Variants in WDR19 observed in about 807,000 individuals in gnomAD.
WDR19 encodes WD repeat domain 19, also known as WD repeat-containing protein 19.
In WDR19, 121 loss-of-function variants were observed where a neutral mutation model predicts 180.0. That is an observed-to-expected ratio of 0.67 (90% CI 0.58 to 0.78). WDR19 has a LOEUF of 0.78. Among genes scored for constraint, WDR19 ranks in the 30% least tolerant of loss-of-function variants. The pLI is 0.00. For missense variants in WDR19, 1,450 were observed against 1,640.7 expected, an observed-to-expected ratio of 0.88 and a Z score of 2.01; for synonymous variants, 497 against 540.7, an observed-to-expected ratio of 0.92 and a Z score of 1.12.
chr4:39,217,114 G>GT lies in WDR19; in HGVS notation c.1250-15dup, dbSNP rs760621524. On this transcript the variant is annotated intron_variant, in intron 12 of 36. Coordinates refer to ENST00000399820, the MANE Select transcript of WDR19 (RefSeq NM_025132.4). ...GTTTTACCAACATTTTAATGTGTTG[G>GT]TTTTTAAAAATTGCTACAGCTGTGA... 1 of 1,556,212 alleles carries GT rather than the reference G, an allele frequency of 6.4e-7. No homozygotes were observed. Among genetic ancestry groups the GT allele is most frequent in the African/African-American group, 1.4e-5 (1 of 73,946 alleles).
Position 39,280,119 on chromosome 4 carries a change from G to GTTTTTT in WDR19, c.*13+1473_*13+1478dup, listed in dbSNP as rs551041321. Among the ~76,000 whole-genome samples, 124 of 53,962 alleles carry GTTTTTT rather than the reference G, an allele frequency of 2.3e-3. 4 individuals are homozygous for GTTTTTT. Among genetic ancestry groups the GTTTTTT allele is most frequent in the African/African-American group, 7.4e-3 (119 of 16,028 alleles). 35.4% of individuals were successfully genotyped at this position (53,962 alleles called of 152,430 possible). On this transcript the variant is annotated intron_variant, in intron 36 of 36. Transcript: ENST00000399820. ...TTTGTGGGTTTTTTTCCCTTTTCTT[G>GTTTTTT]TTTTTTTTTTTTTTTTTTTTTTAAT...
At position 39,186,572 on chromosome 4, in the gene WDR19, T is replaced by A. The variant is rs1725579903; in HGVS notation, c.132T>A (p.His44Gln). The change falls in exon 3 of 37, where the codon CAT (histidine) becomes CAA (glutamine). Residue 44 changes from histidine to glutamine, a missense_variant. Coordinates refer to ENST00000399820, the MANE Select transcript of WDR19 (RefSeq NM_025132.4). Reference protein sequence around the residue: ...ADYIVKIFDRHGQKRSEINLP... With the variant: ...ADYIVKIFDRQGQKRSEINLP... ...ATATTGTGAAAATCTTTGATCGCCA[T>A]GGTCAAAAAAGAAGTGAAATTAACT... The A allele has an allele frequency of 6.3e-7, 1 of 1,584,772 alleles. No homozygotes were observed. Among genetic ancestry groups the A allele is most frequent in the South Asian group, 1.2e-5 (1 of 84,246 alleles).
rs544031412 is a variant in WDR19 at position 39,215,499 on chromosome 4, G to A, written c.962-342G>A. Reference sequence around the variant, plus strand: ...TAGGAGCAATAGGCTATACCATATAGCCTAGGTACGTAGTAGGCTATTTGA... The same window carrying A: ...TAGGAGCAATAGGCTATACCATATAACCTAGGTACGTAGTAGGCTATTTGA... On this transcript the variant is annotated intron_variant, in intron 10 of 36. Coordinates refer to ENST00000399820, the MANE Select transcript of WDR19 (RefSeq NM_025132.4). 2.6e-5 allele frequency among the ~76,000 whole-genome samples: 4 copies of A among 152,164 alleles called. No individual in the cohort carries two copies. In the East Asian group the frequency reaches 7.7e-4, roughly 29 times the overall value.
intron 36 of WDR19, among the ~76,000 whole-genome samples, chr4:39,279,405 C>G (rs1222920816): frequency 1.3e-5 from 2 of 152,224 alleles, no homozygotes; most frequent in Non-Finnish European, 2.9e-5. Flanking sequence ...CCTCAGCCCC[C>G]ATGAGCAAGG....
chr4:39,209,056 T>G (rs1728237036), intron 9 of WDR19, among the ~76,000 whole-genome samples: 1 of 151,966 alleles, frequency 6.6e-6, no homozygotes, highest in Non-Finnish European at 1.5e-5. Flanking sequence ...GCAACAAAAT[T>G]CACATTTTTT....
At chr4:39,229,517 T>C (rs190012523) in intron 17 of WDR19, among the ~76,000 whole-genome samples, 3 of 152,338 alleles carry the variant, frequency 2.0e-5, no homozygotes, top group Admixed American at 6.5e-5. Context: ...GACTTCATCA[T>C]AGTGAGGTTT....
Position 39,205,576 on chromosome 4 carries a change from C to T in WDR19, c.730C>T (p.Arg244Cys), listed in dbSNP as rs759803480. 2.5e-5 allele frequency: 41 copies of T among 1,612,788 alleles called. No individual in the cohort carries two copies. Among genetic ancestry groups the T allele is most frequent in the East Asian group, 6.7e-5 (3 of 44,852 alleles). ...IVCYNWYGDGRIMIGFSCGHF... is the reference protein window; with the variant it reads ...IVCYNWYGDGCIMIGFSCGHF... The stretch of plus-strand genomic sequence containing the variant: ...TCTTTGCTATAGGTATGGTGATGGC[C>T]GCATCATGATTGGTTTTTCATGTGG... Residue 244 changes from arginine (R) to cysteine (C), a missense_variant, in exon 9 of 37, where the codon CGC becomes TGC. Coordinates refer to ENST00000399820, the MANE Select transcript of WDR19 (RefSeq NM_025132.4).
At chr4:39,191,036 A>T (rs1024688672) in intron 4 of WDR19, among the ~76,000 whole-genome samples, 3 of 152,214 alleles carry the variant, frequency 2.0e-5, no homozygotes, top group African/African-American at 7.2e-5. Flanking sequence ...GTTTCTCCAC[A>T]TCATCTCAGG....
chr4:39,267,938 G>A (rs936136956), intron 29 of WDR19, 57 bp from the exon 30 acceptor site: 6 of 1,488,460 alleles, frequency 4.0e-6, no homozygotes, highest in Non-Finnish European at 5.5e-6. Flanking sequence ...ATACAAAAAT[G>A]TAATCTCCCC....
intron 14 of WDR19, 38 bp from the exon 15 acceptor site, chr4:39,224,845 CT>C: frequency 6.9e-7 from 1 of 1,455,288 alleles, no homozygotes; most frequent in Non-Finnish European, 9.1e-7. Context: ...CCTTGACTAC[CT>C]TTTATATTTT....
chr4:39,244,499 A>G lies in WDR19; in HGVS notation c.2592A>G (p.Glu864=). The G allele has an allele frequency of 1.9e-6, 3 of 1,614,012 alleles. No individual in the cohort carries two copies. The highest frequency in any genetic ancestry group is 4.5e-5 in the East Asian group (2 of 44,886). ...TTTCAGAAGCGGCCCAACTGTATGA[A>G]AAAGGTCTCTACTACGATAAAGCAG... ...KQFSEAAQLY[E]KGLYYDKAAS... is the part of the protein sequence containing the mutation. Residue 864 remains glutamate, a synonymous_variant, in exon 23 of 37, where the codon GAA becomes GAG. Coordinates refer to ENST00000399820, the MANE Select transcript of WDR19 (RefSeq NM_025132.4).
rs889006199 is a variant in WDR19, at chr4:39,232,358, C to T, written c.2253+86C>T. 23 of 1,066,228 alleles carry T rather than the reference C, an allele frequency of 2.2e-5. No homozygotes were observed. In the East Asian group the frequency reaches 2.4e-4, roughly 11 times the overall value. The allele number at this position is 1,066,228 out of a possible 1,614,324, so 66.0% of individuals were successfully genotyped here. ...AAAAAAATGGGGCCGGGTGCAGCCG[C>T]TCACGCCTCTAATTCCAGCACTTTG... On this transcript the variant is annotated intron_variant, in intron 19 of 36. Coordinates refer to ENST00000399820, the MANE Select transcript of WDR19 (RefSeq NM_025132.4).
rs771137155 is a variant in WDR19 at position 39,244,309 on chromosome 4, G to C, written c.2483G>C (p.Arg828Pro). 2.5e-6 allele frequency: 4 copies of C among 1,613,956 alleles called. No homozygotes were observed. Among genetic ancestry groups the C allele is most frequent in the East Asian group, 4.5e-5 (2 of 44,892 alleles). Residue 828 changes from arginine to proline, a missense_variant, in exon 22 of 37, where the codon CGT (arginine) becomes CCT (proline). Coordinates refer to ENST00000399820, the MANE Select transcript of WDR19 (RefSeq NM_025132.4). The stretch of plus-strand genomic sequence containing the variant: ...ATGTCCATAAGAATGGGAGACATAC[G>C]TCGAGGGGTTAACCAAGCCCTCAAG... The part of the protein sequence containing the change: ...AQMSIRMGDI[R>P]RGVNQALKHP...
chr4:39,215,235 A>G (rs1728943817), intron 10 of WDR19, among the ~76,000 whole-genome samples: 1 of 152,198 alleles, frequency 6.6e-6, no homozygotes, highest in Admixed American at 6.5e-5. Context: ...ATTCTTATAT[A>G]CAGTCATGAC....
chr4:39,227,108 T>G (rs942442149), intron 15 of WDR19, among the ~76,000 whole-genome samples: 9 of 152,236 alleles, frequency 5.9e-5, no homozygotes, highest in Admixed American at 5.9e-4. Context: ...CTGTGTAGTT[T>G]ACACTTAAAC....
intron 19 of WDR19, among the ~76,000 whole-genome samples, chr4:39,233,125 A>G (rs1320912011): frequency 1.3e-5 from 2 of 152,130 alleles, no homozygotes; most frequent in Non-Finnish European, 2.9e-5. Context: ...TATTTTCCAG[A>G]TGGGAAAACC....
chr4:39,185,686 G>A (rs1182722151), intron 1 of WDR19, 40 bp from the exon 2 acceptor site: 2 of 1,525,462 alleles, frequency 1.3e-6, no homozygotes, highest in South Asian at 2.4e-5. Context: ...ACACTTGATT[G>A]TATGTTTTGA....
intron 31 of WDR19, among the ~76,000 whole-genome samples, chr4:39,272,119 G>A (rs547234706): frequency 6.6e-6 from 1 of 152,294 alleles, no homozygotes; most frequent in Non-Finnish European, 1.5e-5. Context: ...TTGAAGGAGA[G>A]AAGTCTTTCT....
chr4:39,242,868 A>G (rs760121624), intron 21 of WDR19, among the ~76,000 whole-genome samples: 2 of 151,942 alleles, frequency 1.3e-5, no homozygotes, highest in Non-Finnish European at 2.9e-5. Flanking sequence ...GGGTTTTGCC[A>G]TGTTAGCCAG....
Sources: gnomAD v4.1 joint callset for allele counts (sites outside exome capture counted in the v4.1 genomes callset) on GRCh38, gnomAD v4.1.1 for gene constraint, MANE v1.5 for transcripts, NCBI Gene and HGNC (gene_info 2026-07-23, HGNC 2026-07-21) for gene names.